LPGAT1: variants seen among roughly 807,000 people sequenced by gnomAD.
LPGAT1 encodes the protein acyl-CoA:lysophosphatidylglycerol acyltransferase 1.
LPGAT1 carries 11 observed loss-of-function variants against 47.5 expected under a neutral mutation model. The ratio of observed to expected loss-of-function variants is 0.23; its 90% confidence interval spans 0.15 to 0.38. The LOEUF (loss-of-function observed/expected upper bound fraction) is 0.38, where lower values mean the gene tolerates loss of function less well. Ranked by LOEUF, LPGAT1 falls within the 10% of genes least tolerant of loss-of-function variation. The probability of loss-of-function intolerance (pLI) is 1.00; values close to 1 mark genes in which losing one functional copy is unlikely to be tolerated. For missense variants in LPGAT1, 293 were observed against 439.0 expected (o/e 0.67, Z 2.97); for synonymous variants, 138 against 144.2 (o/e 0.96, Z 0.31).
intron 3 of LPGAT1, among the ~76,000 whole-genome samples, chr1:211,791,112 TTAA>T (rs907636354): frequency 1.7e-3 from 13 of 7,472 alleles, no homozygotes; most frequent in Admixed American, 0.014. Flanking sequence ...AAGAAAGGAT[TTAA>T]TTTTTCCACA....
chr1:211,760,223 G>T (rs12140530), intron 6 of LPGAT1, among the ~76,000 whole-genome samples: 18,170 of 152,264 alleles, frequency 0.12, 1,281 homozygotes, highest in Non-Finnish European at 0.15. Flanking sequence ...ACTTTGGGAT[G>T]CCGAGGTAGG....
intron 6 of LPGAT1, among the ~76,000 whole-genome samples, chr1:211,772,678 T>C (rs1261132396): frequency 2.0e-5 from 3 of 152,092 alleles, no homozygotes; most frequent in African/African-American, 7.2e-5. Context: ...TCCACTGGGG[T>C]CTGAAAATAA....
In LPGAT1 at chr1:211,746,234, C is replaced by T. The variant is rs371518961; in HGVS notation, c.*3665G>A. 15 of 152,616 alleles carry T rather than the reference C, an allele frequency of 9.8e-5. No homozygotes were observed. Among genetic ancestry groups the T allele is most frequent in the African/African-American group, 3.1e-4 (13 of 41,460 alleles). 9.5% of individuals were successfully genotyped at this position (152,616 alleles called of 1,614,324 possible). The stretch of plus-strand genomic sequence containing the variant: ...AATGAAGACGCTTCTTAACATGAAT[C>T]CAAGACAGCAACACTAGAATAATGT... On this transcript the variant is annotated 3_prime_UTR_variant, in exon 8 of 8. Coordinates refer to ENST00000366997, the MANE Select transcript of LPGAT1 (RefSeq NM_014873.3).
chr1:211,768,289 T>C (rs576333739), intron 6 of LPGAT1, among the ~76,000 whole-genome samples: 21 of 152,370 alleles, frequency 1.4e-4, no homozygotes, highest in African/African-American at 4.3e-4. Flanking sequence ...TTCAAATAGT[T>C]ATTAAACCAA....
At chr1:211,792,454 T>G (rs1401174517) in intron 3 of LPGAT1, 1 of 144,118 alleles carries the variant, frequency 6.9e-6, no homozygotes, top group Non-Finnish European at 1.6e-5. Flanking sequence ...AATCCACTGC[T>G]TCACCTCCAG....
intron 4 of LPGAT1, among the ~76,000 whole-genome samples, chr1:211,785,004 C>T (rs554234729): frequency 1.1e-3 from 163 of 152,034 alleles, no homozygotes; most frequent in Admixed American, 2.7e-3. Flanking sequence ...GGGATTTCAC[C>T]GTGTTAGCCA....
chr1:211,803,745 T>C (rs1351495044), intron 2 of LPGAT1, among the ~76,000 whole-genome samples: 1 of 151,708 alleles, frequency 6.6e-6, no homozygotes, highest in African/African-American at 2.4e-5. Flanking sequence ...AAAATGTATT[T>C]ATTTTTCAGT....
chr1:211,750,108 T>C, intron 7 of LPGAT1, 58 bp from the exon 8 acceptor site: 5 of 1,481,100 alleles, frequency 3.4e-6, no homozygotes, highest in Non-Finnish European at 4.7e-6. Flanking sequence ...TCTCCTGGAA[T>C]AAAAGTTGAA....
intron 2 of LPGAT1, among the ~76,000 whole-genome samples, chr1:211,822,618 C>T (rs1261800395): frequency 6.6e-6 from 1 of 151,578 alleles, no homozygotes; most frequent in Non-Finnish European, 1.5e-5. Context: ...CTCTACTAAA[C>T]ATACAAAAAA....
chr1:211,822,777 C>CA (rs11345690), intron 2 of LPGAT1, among the ~76,000 whole-genome samples: 6 of 141,390 alleles, frequency 4.2e-5, no homozygotes, highest in Admixed American at 7.1e-5. Flanking sequence ...GACTTCATCT[C>CA]AAAAAAAAAA....
At chr1:211,829,550 C>T in intron 1 of LPGAT1, 2 of 1,379,456 alleles carry the variant, frequency 1.4e-6, no homozygotes, top group Non-Finnish European at 1.9e-6. Context: ...CGAAGTATGT[C>T]ACAATATATT....
chr1:211,760,918 A>G (rs761781388), intron 6 of LPGAT1, among the ~76,000 whole-genome samples: 5 of 152,248 alleles, frequency 3.3e-5, no homozygotes, highest in Admixed American at 6.5e-5. Flanking sequence ...TATTAGAGGC[A>G]TGTCTTAAAA....
chr1:211,808,287 T>G (rs137939311), intron 2 of LPGAT1, among the ~76,000 whole-genome samples: 1 of 149,554 alleles, frequency 6.7e-6, no homozygotes, highest in Admixed American at 6.7e-5. Flanking sequence ...GTTGTGGAAA[T>G]TGCAGTGAGC....
intron 6 of LPGAT1, among the ~76,000 whole-genome samples, chr1:211,770,216 T>G (rs979467067): frequency 9.8e-5 from 15 of 152,312 alleles, no homozygotes; most frequent in Admixed American, 9.2e-4. Flanking sequence ...CTAGGATATA[T>G]AGCCCCAAGT....
At chr1:211,790,426 A>G in intron 3 of LPGAT1, among the ~76,000 whole-genome samples, 1 of 127,128 alleles carries the variant, frequency 7.9e-6, no homozygotes, top group East Asian at 2.6e-4. Flanking sequence ...GGCCCACAAT[A>G]TAGCCTTCCT....
intron 6 of LPGAT1, among the ~76,000 whole-genome samples, chr1:211,762,670 C>T (rs532541682): frequency 1.2e-4 from 19 of 152,100 alleles, no homozygotes; most frequent in African/African-American, 4.6e-4. Flanking sequence ...AAACTAGCTC[C>T]TAATTTTCAA....
chr1:211,814,950 T>C (rs1415066737), intron 2 of LPGAT1, among the ~76,000 whole-genome samples: 3 of 152,210 alleles, frequency 2.0e-5, no homozygotes, highest in Non-Finnish European at 2.9e-5. Context: ...GGTCCCTGCA[T>C]TGAAACACTG....
At chr1:211,822,649 A>ACC (rs1660402458) in intron 2 of LPGAT1, among the ~76,000 whole-genome samples, 1 of 151,900 alleles carries the variant, frequency 6.6e-6, no homozygotes, top group Admixed American at 6.6e-5. Flanking sequence ...ATGGTGGTAC[A>ACC]TGCCTGTAAT....
chr1:211,758,253 T>C (rs1040679326), intron 6 of LPGAT1, among the ~76,000 whole-genome samples: 1 of 152,238 alleles, frequency 6.6e-6, no homozygotes, highest in Non-Finnish European at 1.5e-5. Context: ...TAGGCTCAAT[T>C]TGAGTCAGTG....
Sources: gnomAD v4.1 joint callset for allele counts (sites outside exome capture counted in the v4.1 genomes callset) on GRCh38, gnomAD v4.1.1 for gene constraint, MANE v1.5 for transcripts, NCBI Gene and HGNC (gene_info 2026-07-23, HGNC 2026-07-21) for gene names.